STEAP4: variants seen among roughly 807,000 people sequenced by gnomAD.
STEAP4 encodes STEAP4 metalloreductase.
STEAP4 carries 36 observed loss-of-function variants against 43.6 expected under a neutral mutation model. That is an observed-to-expected ratio of 0.83 (90% confidence interval 0.63 to 1.09). The LOEUF (loss-of-function observed/expected upper bound fraction) is 1.09, where lower values mean the gene tolerates loss of function less well. STEAP4 is among the 50% of genes least tolerant of loss of function. The pLI is 0.00. For synonymous variants in STEAP4, 191 were observed against 196.7 expected (o/e 0.97, Z 0.24); for missense variants, 495 against 546.5 (o/e 0.91, Z 0.94).
intron 4 of STEAP4, among the ~76,000 whole-genome samples, 189 bp downstream of exon 4, chr7:88,280,726 T>A (rs1202822282): frequency 6.6e-6 from 1 of 152,236 alleles, no homozygotes; most frequent in African/African-American, 2.4e-5. Flanking sequence ...CTTAGTATTT[T>A]TCACCCTATA....
Position 88,274,292 on chromosome 7 carries a change from TGTAA to T in STEAP4, c.*5102_*5105del, listed in dbSNP as rs1852479703. The T allele has an allele frequency of 6.6e-6, 1 of 152,266 alleles. No individual in the cohort carries two copies. Among genetic ancestry groups the T allele is most frequent in the African/African-American group, 2.4e-5 (1 of 41,476 alleles). 9.4% of individuals were successfully genotyped at this position (152,266 alleles called of 1,614,324 possible). A position where few individuals can be genotyped will look rare whatever the true frequency, so the allele number is the denominator to read the frequency against. On this transcript the variant is annotated 3_prime_UTR_variant, in exon 5 of 5. Coordinates refer to ENST00000380079, the MANE Select transcript of STEAP4 (RefSeq NM_024636.4). ...ATAGGCTTTACGCATGGCACTCTGC[TGTAA>T]GTATCATTAAAAGCCTTCCAAAATT...
intron 4 of STEAP4, 58 bp from the exon 5 acceptor site, chr7:88,279,686 A>T: frequency 1.5e-6 from 2 of 1,371,984 alleles, no homozygotes; most frequent in Non-Finnish European, 2.0e-6. Context: ...AAAGTGAAAC[A>T]CTCTAAGCCA....
At position 88,278,922 on chromosome 7, in the gene STEAP4, A is replaced by T. The variant is rs1852560204; in HGVS notation, c.*476T>A. On this transcript the variant is annotated 3_prime_UTR_variant, in exon 5 of 5. Coordinates refer to ENST00000380079, the MANE Select transcript of STEAP4 (RefSeq NM_024636.4). The stretch of plus-strand genomic sequence containing the variant: ...ACTTCCAAAAAACAACAAAAACCTC[A>T]TTCCCTTTTTACATTTCATGTGACC... The T allele has an allele frequency of 6.4e-6, 1 of 156,348 alleles. No individual in the cohort carries two copies. The highest frequency in any genetic ancestry group is 2.4e-5 in the African/African-American group (1 of 41,452). 9.7% of individuals were successfully genotyped at this position (156,348 alleles called of 1,614,324 possible). A position where few individuals can be genotyped will look rare whatever the true frequency, so the allele number is the denominator to read the frequency against.
intron 3 of STEAP4, chr7:88,281,435 G>A (rs1257740468): frequency 6.0e-6 from 1 of 167,502 alleles, no homozygotes; most frequent in Non-Finnish European, 1.3e-5. Flanking sequence ...CTGTTTTTCT[G>A]CTTTATATGT....
chr7:88,282,542 T>A, intron 3 of STEAP4, 99 bp downstream of exon 3: 3 of 1,137,006 alleles, frequency 2.6e-6, no homozygotes, highest in Non-Finnish European at 3.7e-6. Context: ...AAAAAGAAGA[T>A]GCTTAGAAGA....
rs540184991 is a variant in STEAP4, at chr7:88,280,889, G to C, written c.1149+26C>G. ...GGGAAGTGATGGAGCAAAATGAAAA[G>C]TTAGGAATGAACTTGAAGTTCTTAC... is the stretch of plus-strand genomic sequence containing the variant. On this transcript the variant is annotated intron_variant, in intron 4 of 4. Transcript: ENST00000380079. 1.1e-5 allele frequency: 16 copies of C among 1,517,114 alleles called. No homozygotes were observed. In the Middle Eastern group the frequency reaches 1.1e-3, roughly 100 times the overall value. 94.0% of individuals were successfully genotyped at this position (1,517,114 alleles called of 1,614,324 possible).
At chr7:88,283,409 A>T (rs1051013741) in intron 2 of STEAP4, 2 of 499,764 alleles carry the variant, frequency 4.0e-6, no homozygotes, top group Non-Finnish European at 6.9e-6. Flanking sequence ...CTTATAAAAG[A>T]CATGGTTCTC....
In STEAP4 at chr7:88,282,672, C is replaced by G. The variant is rs73205916; in HGVS notation, c.953G>C (p.Arg318Pro). ...AACGGTTAAGTTTCCCAATCTCCAT[C>G]GTACATAATATCGAATAGGAATCAC... ...TLVIPIRYYV[R>P]WRLGNLTVTQ... The change falls in exon 3 of 5, where the codon CGA becomes CCA. Residue 318 changes from arginine (R) to proline (P), a missense_variant. Coordinates refer to ENST00000380079, the MANE Select transcript of STEAP4 (RefSeq NM_024636.4). The G allele has an allele frequency of 6.2e-7, 1 of 1,613,902 alleles. No homozygotes were observed. The highest frequency in any genetic ancestry group is 1.7e-5 in the Admixed American group (1 of 59,982).
At chr7:88,302,772 G>A (rs1450431776) in intron 1 of STEAP4, among the ~76,000 whole-genome samples, 1 of 151,786 alleles carries the variant, frequency 6.6e-6, no homozygotes, top group African/African-American at 2.4e-5. Context: ...TGGCAAAAAT[G>A]GCGAAACCCC....
chr7:88,288,412 C>T (rs1222273317), intron 1 of STEAP4, among the ~76,000 whole-genome samples: 3 of 152,118 alleles, frequency 2.0e-5, no homozygotes, highest in East Asian at 1.9e-4. Flanking sequence ...TCAGGTGATC[C>T]GCCCACCTCA....
chr7:88,299,024 A>C (rs1852982205), intron 1 of STEAP4, among the ~76,000 whole-genome samples: 1 of 152,208 alleles, frequency 6.6e-6, no homozygotes, highest in South Asian at 2.1e-4. Flanking sequence ...AATTGCTAAC[A>C]ACTAGCTATG....
At chr7:88,286,548 C>T (rs43132) in intron 1 of STEAP4, among the ~76,000 whole-genome samples, 92,569 of 151,852 alleles carry the variant, frequency 0.61, 28,482 homozygotes, top group East Asian at 0.9. Context: ...ATTCATTTAC[C>T]CAAAATGATA....
rs376244985 is a variant in STEAP4 at position 88,290,038 on chromosome 7, T to C, written c.-2-5767A>G. ...AAAAAATTATTTTATCCTAATATTTTTATTCTCTCTTTCATACTGGATGAA... is the reference window on the plus strand; with the variant it reads ...AAAAAATTATTTTATCCTAATATTTCTATTCTCTCTTTCATACTGGATGAA... On this transcript the variant is annotated intron_variant, in intron 1 of 4. Transcript: ENST00000380079. Among the ~76,000 whole-genome samples, 165 of 152,326 alleles carry C rather than the reference T, an allele frequency of 1.1e-3. 1 individual carries two copies. Among genetic ancestry groups the C allele is most frequent in the African/African-American group, 3.6e-3 (151 of 41,588 alleles).
intron 1 of STEAP4, among the ~76,000 whole-genome samples, chr7:88,300,167 A>G (rs1269588068): frequency 1.3e-5 from 2 of 152,182 alleles, no homozygotes; most frequent in Non-Finnish European, 2.9e-5. Flanking sequence ...GTTGATAAAT[A>G]TTTTAAAATA....
intron 1 of STEAP4, among the ~76,000 whole-genome samples, 158 bp downstream of exon 1, chr7:88,306,634 A>G (rs573495069): frequency 4.3e-4 from 66 of 152,388 alleles, no homozygotes; most frequent in African/African-American, 1.5e-3. Context: ...GAGCAGCCTC[A>G]GGTGACTTTC....
At chr7:88,297,607 T>C (rs1365419361) in intron 1 of STEAP4, among the ~76,000 whole-genome samples, 1 of 152,138 alleles carries the variant, frequency 6.6e-6, no homozygotes, top group East Asian at 1.9e-4. Context: ...CAAATGTGTT[T>C]TAATATGAAA....
chr7:88,282,700 G>A lies in STEAP4; in HGVS notation c.925C>T (p.Leu309Phe). The change falls in exon 3 of 5, where the codon CTT becomes TTT. Residue 309 changes from leucine to phenylalanine, a missense_variant. Transcript: ENST00000380079. ...GFAFLHVLYT[L>F]VIPIRYYVRW... ...ACATAATATCGAATAGGAATCACAAGTGTGTAGAGGACATGAAGGAAGGCA... is the reference window on the plus strand; with the variant it reads ...ACATAATATCGAATAGGAATCACAAATGTGTAGAGGACATGAAGGAAGGCA... 1 of 1,614,074 alleles carries A rather than the reference G, an allele frequency of 6.2e-7. No individual in the cohort carries two copies. Among genetic ancestry groups the A allele is most frequent in the Non-Finnish European group, 8.5e-7 (1 of 1,180,012 alleles).
intron 1 of STEAP4, among the ~76,000 whole-genome samples, chr7:88,295,622 T>A (rs956269167): frequency 6.6e-6 from 1 of 152,172 alleles, no homozygotes; most frequent in African/African-American, 2.4e-5. Flanking sequence ...TGGTAACACA[T>A]TAGAATCAGC....
Position 88,282,736 on chromosome 7 carries a change from C to A in STEAP4, c.889G>T (p.Ala297Ser). ...ACATGAAGGAAGGCAAATCCCAGAG[C>A]TACCAAGCCAAGCTGCTTTCGGCAA... ...MLCRKQLGLV[A>S]LGFAFLHVLY... The change falls in exon 3 of 5, where the codon GCT (alanine) becomes TCT (serine). Residue 297 changes from alanine to serine, a missense_variant. Ala to Ser is a moderately conservative substitution (Grantham distance 99). Transcript: ENST00000380079. The A allele has an allele frequency of 1.2e-6, 2 of 1,614,054 alleles. No homozygotes were observed. Among genetic ancestry groups the A allele is most frequent in the Non-Finnish European group, 1.7e-6 (2 of 1,180,014 alleles).
Sources: allele counts gnomAD v4.1 joint callset (sites outside exome capture counted in the v4.1 genomes callset), GRCh38; gene constraint gnomAD v4.1.1; transcripts MANE v1.5; gene names NCBI Gene and HGNC (gene_info 2026-07-23, HGNC 2026-07-21).